Variants in ADCY1 observed in about 807,000 individuals in gnomAD.
ADCY1 encodes adenylate cyclase 1.
ADCY1 carries 28 observed loss-of-function variants against 105.4 expected under a neutral mutation model. The ratio of observed to expected loss-of-function variants is 0.27; its 90% CI spans 0.20 to 0.36. The LOEUF (loss-of-function observed/expected upper bound fraction) is 0.36, where lower values mean the gene tolerates loss of function less well. Among genes scored for constraint, ADCY1 ranks in the 10% least tolerant of loss-of-function variants. The pLI, the probability that ADCY1 is intolerant of heterozygous loss-of-function variation, is 1.00. For synonymous variants in ADCY1, 655 were observed against 623.8 expected, an observed-to-expected ratio of 1.05 and a Z score of -0.75; for missense variants, 977 against 1,434.2, an observed-to-expected ratio of 0.68 and a Z score of 5.15.
chr7:45,629,421 A>G (rs1794163943), intron 4 of ADCY1, among the ~76,000 whole-genome samples: 1 of 152,080 alleles, frequency 6.6e-6, no homozygotes, highest in Non-Finnish European at 1.5e-5. Context: ...ATGAACATTC[A>G]TGTACAAGTC....
At chr7:45,621,344 G>A (rs971892255) in intron 3 of ADCY1, among the ~76,000 whole-genome samples, 8 of 152,214 alleles carry the variant, frequency 5.3e-5, no homozygotes, top group East Asian at 1.9e-4. Flanking sequence ...GGGATTACAG[G>A]CATGAGCCAC....
chr7:45,589,823 C>T (rs1205572145), intron 1 of ADCY1, among the ~76,000 whole-genome samples: 5 of 151,898 alleles, frequency 3.3e-5, no homozygotes, highest in Non-Finnish European at 2.9e-5. Flanking sequence ...GTGCCCAGCT[C>T]CTAGAGGAGT....
At chr7:45,655,622 G>C (rs1048907421) in intron 5 of ADCY1, among the ~76,000 whole-genome samples, 1 of 152,222 alleles carries the variant, frequency 6.6e-6, no homozygotes, top group Non-Finnish European at 1.5e-5. Context: ...CAAGAATTGA[G>C]ATCTTTGAGG....
At chr7:45,687,178 G>A (rs1784699704) in intron 14 of ADCY1, among the ~76,000 whole-genome samples, 1 of 151,896 alleles carries the variant, frequency 6.6e-6, no homozygotes. Flanking sequence ...AGAGGCATAA[G>A]CACCACTCTT....
intron 5 of ADCY1, among the ~76,000 whole-genome samples, chr7:45,650,027 G>A (rs1562706600): frequency 2.0e-5 from 3 of 152,170 alleles, no homozygotes; most frequent in Non-Finnish European, 2.9e-5. Flanking sequence ...GATGCCTGGC[G>A]TGGAGAAGAC....
rs1012595726 is a variant in ADCY1, at chr7:45,719,041, G to A, written c.*5046G>A. ...TGATTCTGTGTGAACTGACAGCAGGGAGCTGAAGGACAGGCCCCGGCCTTG... is the reference window on the plus strand; with the variant it reads ...TGATTCTGTGTGAACTGACAGCAGGAAGCTGAAGGACAGGCCCCGGCCTTG... On this transcript the variant is annotated 3_prime_UTR_variant, in exon 20 of 20. Coordinates refer to ENST00000297323, the MANE Select transcript of ADCY1 (RefSeq NM_021116.4). 7.8e-5 allele frequency: 12 copies of A among 152,890 alleles called. No homozygotes were observed. The highest frequency in any genetic ancestry group is 5.2e-4 in the Admixed American group (8 of 15,286). 9.5% of individuals were successfully genotyped at this position (152,890 alleles called of 1,614,324 possible). A position where few individuals can be genotyped will look rare whatever the true frequency, so the allele number is the denominator to read the frequency against.
At position 45,713,917 on chromosome 7, in the gene ADCY1, C is replaced by T. The variant is rs149213275; in HGVS notation, c.3282C>T (p.Gly1094=). ...GTCCCCCCGTGTGCCCCATGCCTGG[C>T]GTCTCAGTCAGGGCTGGGCTCCCTC... ...GRRPPVCPMP[G]VSVRAGLPPH... Residue 1094 remains glycine (G), a synonymous_variant, in exon 20 of 20, where the codon GGC becomes GGT. Coordinates refer to ENST00000297323, the MANE Select transcript of ADCY1 (RefSeq NM_021116.4). The T allele has an allele frequency of 3.1e-4, 239 of 780,482 alleles. No homozygotes were observed. Among genetic ancestry groups the T allele is most frequent in the African/African-American group, 4.9e-4 (29 of 59,158 alleles). The allele number at this position is 780,482 out of a possible 1,614,324, so 48.3% of individuals were successfully genotyped here.
At chr7:45,628,261 A>T (rs1584283599) in intron 4 of ADCY1, among the ~76,000 whole-genome samples, 1 of 151,934 alleles carries the variant, frequency 6.6e-6, no homozygotes, top group South Asian at 2.1e-4. Context: ...GGCATTCTCC[A>T]CTCTGACCCC....
At chr7:45,659,640 T>C (rs779457680) in intron 6 of ADCY1, among the ~76,000 whole-genome samples, 1 of 152,208 alleles carries the variant, frequency 6.6e-6, no homozygotes, top group Non-Finnish European at 1.5e-5. Context: ...GCCCACTCCT[T>C]GTGCTGACCA....
intron 1 of ADCY1, among the ~76,000 whole-genome samples, chr7:45,586,038 C>T (rs972777303): frequency 8.5e-5 from 13 of 152,278 alleles, no homozygotes; most frequent in South Asian, 6.2e-4. Flanking sequence ...CCAGGGTGCT[C>T]TACCACCTGG....
intron 4 of ADCY1, among the ~76,000 whole-genome samples, chr7:45,633,800 CA>C (rs754127020): frequency 0.13 from 6,673 of 49,466 alleles, 126 homozygotes; most frequent in East Asian, 0.31. Flanking sequence ...GACATCATCG[CA>C]AAAAAAAAAA....
At position 45,686,681 on chromosome 7, in the gene ADCY1, G is replaced by C. The variant is rs777519218; in HGVS notation, c.2454+8G>C. 3.8e-6 allele frequency: 6 copies of C among 1,591,798 alleles called. No individual in the cohort carries two copies. The highest frequency in any genetic ancestry group is 4.3e-6 in the Non-Finnish European group (5 of 1,166,674). ...TACCTCTGGGCCGCACAGGCAAGAC[G>C]AGCCCTTTCTGCTTTCTGGGGGTGG... On this transcript the variant is annotated splice_region_variant and intron_variant, in intron 14 of 19. Coordinates refer to ENST00000297323, the MANE Select transcript of ADCY1 (RefSeq NM_021116.4). This position sits in a 1 kb window ranked among gnomAD's most constrained non-coding sequence, Gnocchi z 4.3.
intron 6 of ADCY1, among the ~76,000 whole-genome samples, chr7:45,659,203 C>T (rs1355329604): frequency 6.6e-6 from 1 of 152,200 alleles, no homozygotes; most frequent in African/African-American, 2.4e-5. Context: ...CTCTCAGGAT[C>T]CCAGTGAGCA....
Position 45,574,625 on chromosome 7 carries a change from A to C in ADCY1, c.82A>C (p.Ser28Arg). Residue 28 changes from serine (S) to arginine (R), a missense_variant, in exon 1 of 20, where the codon AGC (serine) becomes CGC (arginine). Ser to Arg is a moderately radical substitution (Grantham distance 110, BLOSUM62 -1). Around this residue, in one of 7 missense-constraint regions of ADCY1, gnomAD observed 209 missense variants for 222.5 expected, o/e 0.94. Coordinates refer to ENST00000297323, the MANE Select transcript of ADCY1 (RefSeq NM_021116.4). The surrounding 1 kb of genome is among the most constrained non-coding windows in gnomAD (Gnocchi z 7.0). ...GGGCGCCGAGCGGGCGGCCGGGACA[A>C]GCCGCCGGCGCGGGCTCCGGGCGTG... ...PGGAERAAGT[S>R]RRRGLRACDE... The C allele has an allele frequency of 8.4e-7, 1 of 1,191,726 alleles. No homozygotes were observed. Among genetic ancestry groups the C allele is most frequent in the South Asian group, 3.9e-5 (1 of 25,856 alleles). 73.8% of individuals were successfully genotyped at this position (1,191,726 alleles called of 1,614,324 possible).
intron 6 of ADCY1, among the ~76,000 whole-genome samples, chr7:45,659,738 T>G (rs1385131541): frequency 7.9e-5 from 12 of 152,000 alleles, no homozygotes. Flanking sequence ...TCAACTTCCC[T>G]AATGAGTCCT....
intron 4 of ADCY1, among the ~76,000 whole-genome samples, chr7:45,648,045 C>T (rs1794709305): frequency 6.6e-6 from 1 of 152,250 alleles, no homozygotes; most frequent in African/African-American, 2.4e-5. Context: ...AGAGTTAACT[C>T]TCTCCACCTT....
intron 11 of ADCY1, among the ~76,000 whole-genome samples, chr7:45,682,828 G>T (rs370677638): frequency 2.0e-4 from 30 of 152,166 alleles, no homozygotes; most frequent in African/African-American, 6.8e-4. Flanking sequence ...TGATACTCGA[G>T]TTAAACTAGG....
intron 14 of ADCY1, among the ~76,000 whole-genome samples, chr7:45,702,997 G>A (rs1785029474): frequency 1.3e-5 from 2 of 152,234 alleles, no homozygotes; most frequent in South Asian, 4.1e-4. Flanking sequence ...TAGGACAGGT[G>A]CCCTGCGGGG....
intron 4 of ADCY1, among the ~76,000 whole-genome samples, chr7:45,632,448 C>T (rs528585154): frequency 6.6e-5 from 10 of 151,398 alleles, no homozygotes; most frequent in South Asian, 2.1e-4. Flanking sequence ...TTCTGATTCA[C>T]GAACACTGTA....
Sources: allele counts gnomAD v4.1 joint callset (sites outside exome capture counted in the v4.1 genomes callset), GRCh38; gene constraint gnomAD v4.1.1; regional missense constraint gnomAD v4.1.1; non-coding constraint Gnocchi (gnomAD v3.1); transcripts MANE v1.5; gene names NCBI Gene and HGNC (gene_info 2026-07-23, HGNC 2026-07-21).